The following MED4 variants were observed in gnomAD, a reference collection of about 807,000 sequenced individuals.
MED4 encodes mediator complex subunit 4.
Under a neutral mutation model 35.0 loss-of-function variants are expected in MED4, and 21 were observed. That is an observed-to-expected ratio of 0.60 (90% CI 0.43 to 0.86). MED4 has a LOEUF of 0.86. Among genes scored for constraint, MED4 ranks in the 40% least tolerant of loss-of-function variants. The pLI, the probability that MED4 is intolerant of heterozygous loss-of-function variation, is 0.00. For synonymous variants in MED4, 138 were observed against 114.0 expected (o/e 1.21, Z -1.34); for missense variants, 300 against 319.4 (o/e 0.94, Z 0.46).
chr13:48,076,600 T>A lies in MED4; in HGVS notation c.*539A>T, dbSNP rs1477696289. 4 of 152,260 alleles carry A rather than the reference T, an allele frequency of 2.6e-5. No homozygotes were observed. The East Asian group carries it at 7.7e-4, about 29-fold the overall frequency. The allele number at this position is 152,260 out of a possible 1,614,324, so 9.4% of individuals were successfully genotyped here. A position where few individuals can be genotyped will look rare whatever the true frequency, so the allele number is the denominator to read the frequency against. On this transcript the variant is annotated 3_prime_UTR_variant, in exon 7 of 7. Coordinates refer to ENST00000258648, the MANE Select transcript of MED4 (RefSeq NM_014166.4). ...GCATACAATGTACAAACAAATTTAT[T>A]TACAAAAATTACAATTACAAACTGT...
Position 48,076,083 on chromosome 13 carries a change from T to C in MED4, c.*1056A>G, listed in dbSNP as rs1340600247. 6.6e-6 allele frequency: 1 copy of C among 152,236 alleles called. No individual in the cohort carries two copies. Among genetic ancestry groups the C allele is most frequent in the African/African-American group, 2.4e-5 (1 of 41,468 alleles). The allele number at this position is 152,236 out of a possible 1,614,324, so 9.4% of individuals were successfully genotyped here. A position where few individuals can be genotyped will look rare whatever the true frequency, so the allele number is the denominator to read the frequency against. ...AGTGTATGTGAACTTTAAAAAAATC[T>C]ACACTACAATATGAATTGATATTAT... On this transcript the variant is annotated 3_prime_UTR_variant, in exon 7 of 7. Transcript: ENST00000258648.
At chr13:48,091,474 CA>C (rs1950889526) in intron 1 of MED4, among the ~76,000 whole-genome samples, 1 of 152,194 alleles carries the variant, frequency 6.6e-6, no homozygotes, top group Non-Finnish European at 1.5e-5. Flanking sequence ...TTTTTACCTT[CA>C]AATTTCCACC....
At chr13:48,094,564 G>A (rs1308268233) in intron 1 of MED4, among the ~76,000 whole-genome samples, 7 of 151,942 alleles carry the variant, frequency 4.6e-5, no homozygotes, top group Non-Finnish European at 8.8e-5. Flanking sequence ...CCAGTACCCC[G>A]CAGCGCAGCC....
intron 1 of MED4, chr13:48,093,630 C>G: frequency 2.1e-6 from 1 of 467,356 alleles, no homozygotes; most frequent in South Asian, 1.6e-5. Flanking sequence ...TCCAATGATC[C>G]GCCCGCCTTG....
Position 48,092,767 on chromosome 13 carries a change from G to C in MED4, c.125+2187C>G, listed in dbSNP as rs1950899325. Among the ~76,000 whole-genome samples, 2 of 152,318 alleles carry C rather than the reference G, an allele frequency of 1.3e-5. 1 individual carries two copies. Among genetic ancestry groups the C allele is most frequent in the South Asian group, 4.1e-4 (2 of 4,828 alleles). On this transcript the variant is annotated intron_variant, in intron 1 of 6. Coordinates refer to ENST00000258648, the MANE Select transcript of MED4 (RefSeq NM_014166.4). ...CCACAAGTGAGACATAGACGGTTGA[G>C]AACCTCTGGTCTAAGTAAAAGCTGG...
intron 4 of MED4, 78 bp from the exon 5 acceptor site, chr13:48,081,809 C>T: frequency 1.3e-5 from 10 of 773,330 alleles, no homozygotes; most frequent in Non-Finnish European, 2.0e-5. Flanking sequence ...ATCAGTTACA[C>T]ATCGTATTTA....
At chr13:48,079,193 T>C (rs2137827468) in intron 6 of MED4, among the ~76,000 whole-genome samples, 1 of 152,332 alleles carries the variant, frequency 6.6e-6, no homozygotes, top group East Asian at 1.9e-4. Context: ...GTTATTCATT[T>C]TGTTAACTTG....
intron 2 of MED4, among the ~76,000 whole-genome samples, chr13:48,090,137 C>A (rs772235817): frequency 2.0e-5 from 3 of 152,066 alleles, no homozygotes; most frequent in Non-Finnish European, 2.9e-5. Flanking sequence ...TACTGCTAAA[C>A]CCTCAGGCAA....
At chr13:48,086,563 A>C (rs1950850118) in intron 2 of MED4, 111 bp from the exon 3 acceptor site, 2 of 856,942 alleles carry the variant, frequency 2.3e-6, no homozygotes, top group Non-Finnish European at 3.6e-6. Context: ...CAACACCTTC[A>C]AAATTTTATT....
chr13:48,079,737 A>T, intron 6 of MED4, 107 bp downstream of exon 6: 1 of 1,402,858 alleles, frequency 7.1e-7, no homozygotes, highest in Non-Finnish European at 9.7e-7. Context: ...ACAAAAAAAA[A>T]AAAATTGTGT....
intron 4 of MED4, 88 bp from the exon 5 acceptor site, chr13:48,081,819 A>T (rs1950810504): frequency 4.5e-6 from 3 of 668,182 alleles, no homozygotes; most frequent in Admixed American, 3.6e-5. Context: ...CATCGTATTT[A>T]ATTTTAAATT....
chr13:48,092,574 C>A (rs2137842620), intron 1 of MED4, among the ~76,000 whole-genome samples: 1 of 152,128 alleles, frequency 6.6e-6, no homozygotes. Flanking sequence ...GTGTTCCAGG[C>A]AAAAAATGAC....
At chr13:48,094,720 G>A (rs531032206) in intron 1 of MED4, among the ~76,000 whole-genome samples, 6 of 152,264 alleles carry the variant, frequency 3.9e-5, no homozygotes, top group South Asian at 4.1e-4. Context: ...CGCGGACGAA[G>A]AGGCTCAGAC....
In MED4 at chr13:48,081,831, T is replaced by A. The variant is rs1463714324; in HGVS notation, c.422-100A>T. The A allele has an allele frequency of 6.4e-6, 4 of 625,604 alleles. No individual in the cohort carries two copies. In the Admixed American group the frequency reaches 1.2e-4, roughly 18 times the overall value. The allele number at this position is 625,604 out of a possible 1,614,324, so 38.8% of individuals were successfully genotyped here. On this transcript the variant is annotated intron_variant, in intron 4 of 6. Transcript: ENST00000258648. ...ACACATCGTATTTAATTTTAAATTATCTGAAAATAAAATAATCTCAGTCAC... is the reference window on the plus strand; with the variant it reads ...ACACATCGTATTTAATTTTAAATTAACTGAAAATAAAATAATCTCAGTCAC...
At chr13:48,080,414 A>AG in intron 5 of MED4, among the ~76,000 whole-genome samples, 1 of 150,664 alleles carries the variant, frequency 6.6e-6, no homozygotes, top group Non-Finnish European at 1.5e-5. Flanking sequence ...AAAAAAAAAA[A>AG]AAAAGAAAGA....
intron 5 of MED4, among the ~76,000 whole-genome samples, chr13:48,080,485 C>T (rs926403468): frequency 7.3e-5 from 11 of 150,568 alleles, no homozygotes; most frequent in Non-Finnish European, 1.2e-4. Context: ...TTAAAATACA[C>T]GCATTTTAAT....
Position 48,081,633 on chromosome 13 carries a change from G to A in MED4, c.508+12C>T, listed in dbSNP as rs376056618. The A allele has an allele frequency of 1.8e-5, 28 of 1,589,656 alleles. No homozygotes were observed. The highest frequency in any genetic ancestry group is 1.0e-4 in the South Asian group (9 of 89,232). The stretch of plus-strand genomic sequence containing the variant: ...CCACATATATCTAGTATAATAAGAC[G>A]AGTATGTTTACCTGGAACCCAGGTC... On this transcript the variant is annotated intron_variant, in intron 5 of 6. Transcript: ENST00000258648.
chr13:48,090,476 G>A (rs1161478256), intron 1 of MED4, 58 bp from the exon 2 acceptor site: 6 of 1,366,712 alleles, frequency 4.4e-6, no homozygotes, highest in Non-Finnish European at 6.1e-6. Context: ...GAACACTCAG[G>A]GCTACTCCCT....
At chr13:48,094,317 GA>G (rs949724924) in intron 1 of MED4, among the ~76,000 whole-genome samples, 3 of 152,156 alleles carry the variant, frequency 2.0e-5, no homozygotes, top group African/African-American at 7.2e-5. Flanking sequence ...GCTTCAACTT[GA>G]AAGACTTATC....
Sources: allele counts gnomAD v4.1 joint callset (sites outside exome capture counted in the v4.1 genomes callset), GRCh38; gene constraint gnomAD v4.1.1; transcripts MANE v1.5; gene names NCBI Gene and HGNC (gene_info 2026-07-23, HGNC 2026-07-21).